The following RGS3 variants were observed in gnomAD, a reference collection of about 807,000 sequenced individuals.
The protein encoded by RGS3 is regulator of G protein signaling 3, also known as regulator of G-protein signalling 3.
In RGS3, 80 loss-of-function variants were observed where a neutral mutation model predicts 132.6. The observed-to-expected ratio is 0.60, with a 90% confidence interval of 0.50 to 0.73. The LOEUF (loss-of-function observed/expected upper bound fraction) is 0.73. Among genes scored for constraint, RGS3 ranks in the 30% least tolerant of loss-of-function variants. The probability of loss-of-function intolerance (pLI) is 0.00; values close to 1 mark genes in which losing one functional copy is unlikely to be tolerated. For synonymous variants in RGS3, 598 were observed against 620.6 expected (o/e 0.96, Z 0.54); for missense variants, 1,382 against 1,530.8 (o/e 0.90, Z 1.62).
rs190856725 is a variant in RGS3, at chr9:113,501,309, G to A, written c.897+3229G>A. 2.2e-3 allele frequency: 2,008 copies of A among 905,758 alleles called. 4 individuals carry two copies. Among genetic ancestry groups the A allele is most frequent in the Middle Eastern group, 5.9e-3 (16 of 2,716 alleles). The allele number at this position is 905,758 out of a possible 1,614,324, so 56.1% of individuals were successfully genotyped here. ...AAGGCGCCCTCTCCCCGCCGGGCCC[G>A]GGGAATACTAACTAGTTGACAGGAA... On this transcript the variant is annotated intron_variant, in intron 10 of 24. Transcript: ENST00000350696.
intron 19 of RGS3, among the ~76,000 whole-genome samples, chr9:113,542,806 G>A (rs150310468): frequency 6.6e-6 from 1 of 152,334 alleles, no homozygotes; most frequent in Non-Finnish European, 1.5e-5. Flanking sequence ...CTGTCTTTCT[G>A]TCCCATGCTG....
intron 14 of RGS3, among the ~76,000 whole-genome samples, chr9:113,512,708 AC>A (rs1407320504): frequency 1.3e-5 from 2 of 152,284 alleles, no homozygotes; most frequent in East Asian, 3.9e-4. Flanking sequence ...TGCACCCAGG[AC>A]CCAGGCTGGG....
chr9:113,580,719 A>T, intron 19 of RGS3: 5 of 861,030 alleles, frequency 5.8e-6, no homozygotes, highest in Non-Finnish European at 7.0e-6. Flanking sequence ...CCTGAGTGGC[A>T]CTTCCCCTCC....
At chr9:113,505,009 T>G (rs1396173893) in intron 10 of RGS3, 1 of 172,084 alleles carries the variant, frequency 5.8e-6, no homozygotes, top group African/African-American at 2.4e-5. Context: ...CTTTGGGCCC[T>G]TAGCACAGGG....
chr9:113,597,034 A>AG, exon 25 of RGS3: 1 of 1,279,562 alleles, frequency 7.8e-7, no homozygotes, highest in Non-Finnish European at 1.1e-6. Context: ...CCTGTGACGG[A>AG]GGGGGCAAGC....
At position 113,447,123 on chromosome 9, in the gene RGS3, G is replaced by A. The variant is rs1021683293; in HGVS notation, c.-13+2196G>A. Among the ~76,000 whole-genome samples the A allele has an allele frequency of 2.6e-5, 4 of 151,230 alleles. No individual in the cohort carries two copies. In the East Asian group the frequency reaches 7.8e-4, roughly 30 times the overall value. Reference sequence around the variant, plus strand: ...AAAAATACAGAAAAATTAGCTGGGTGTGGTGGCACGTGCCTGTAGTCCCAG... The same window carrying A: ...AAAAATACAGAAAAATTAGCTGGGTATGGTGGCACGTGCCTGTAGTCCCAG... On this transcript the variant is annotated intron_variant, in intron 1 of 25. Coordinates refer to the RGS3 transcript ENST00000374140.
At chr9:113,462,214 G>A in intron 3 of RGS3, 1 of 1,585,362 alleles carries the variant, frequency 6.3e-7, no homozygotes, top group Non-Finnish European at 8.6e-7. Flanking sequence ...AAGTCCATCT[G>A]TCACTGGCTT....
chr9:113,516,551 G>T (rs945165747), intron 15 of RGS3, among the ~76,000 whole-genome samples: 63 of 152,000 alleles, frequency 4.1e-4, no homozygotes, highest in African/African-American at 1.1e-3. Flanking sequence ...TAGAGACGGG[G>T]TTTTACCATG....
At chr9:113,490,166 T>C (rs1440237727) in intron 7 of RGS3, among the ~76,000 whole-genome samples, 1 of 152,218 alleles carries the variant, frequency 6.6e-6, no homozygotes, top group East Asian at 1.9e-4. Context: ...TGATCACTAA[T>C]GTTTCTTTCA....
chr9:113,512,608 G>GC (rs1414321492), intron 14 of RGS3, among the ~76,000 whole-genome samples: 4 of 152,126 alleles, frequency 2.6e-5, no homozygotes, highest in Non-Finnish European at 4.4e-5. Context: ...CTGTGGGTGC[G>GC]CGTTGGTGGG....
intron 2 of RGS3, chr9:113,461,880 C>T (rs1436974452): frequency 1.2e-6 from 2 of 1,606,200 alleles, no homozygotes; most frequent in South Asian, 1.1e-5. Flanking sequence ...ATCTCAGGCA[C>T]ATCACCTTCC....
exon 25 of RGS3, chr9:113,596,838 A>G: frequency 6.2e-7 from 1 of 1,613,740 alleles, no homozygotes; most frequent in Non-Finnish European, 8.5e-7. Context: ...GGCTGCTTCG[A>G]CCTGGCACAG....
At chr9:113,489,041 A>G (rs1338523846) in intron 7 of RGS3, among the ~76,000 whole-genome samples, 2 of 152,260 alleles carry the variant, frequency 1.3e-5, no homozygotes, top group East Asian at 3.8e-4. Context: ...CTCTGTGCCA[A>G]GCACTTTACA....
rs1260513301 is a variant in RGS3 at position 113,463,772 on chromosome 9, G to A, written c.415+1571G>A. 2 of 1,587,108 alleles carry A rather than the reference G, an allele frequency of 1.3e-6. No homozygotes were observed. Among genetic ancestry groups the A allele is most frequent in the Non-Finnish European group, 1.7e-6 (2 of 1,168,344 alleles). On this transcript the variant is annotated intron_variant, in intron 3 of 24. Coordinates refer to ENST00000350696, the Ensembl canonical transcript of RGS3. The surrounding 1 kb of genome is among the most constrained non-coding windows in gnomAD (Gnocchi z 4.6). ...AGCAACACAGCCGCCTCGGGTTGCA[G>A]ACGCTCCTGTCCGGGTCGCAGTGGG...
In RGS3 at chr9:113,583,975, G is replaced by A. The variant is rs368801355; in HGVS notation, c.2563G>A (p.Val855Met). 2.5e-5 allele frequency: 40 copies of A among 1,613,984 alleles called. No homozygotes were observed. Among genetic ancestry groups the A allele is most frequent in the South Asian group, 4.4e-5 (4 of 91,084 alleles). Reference sequence around the variant, plus strand: ...ACCTGCGGCCCCCAGGCCAGCCTTCGTGATCCCTGAGGTCCGGCTGGATAG... The same window carrying A: ...ACCTGCGGCCCCCAGGCCAGCCTTCATGATCCCTGAGGTCCGGCTGGATAG... Residue 855 changes from valine (V) to methionine (M), a missense_variant, in exon 20 of 25, where the codon GTG becomes ATG. Transcript: ENST00000350696.
Position 113,579,494 on chromosome 9 carries a change from T to C in RGS3, c.2038-3956T>C, listed in dbSNP as rs879043139. Reference sequence around the variant, plus strand: ...TGGTCCAGCCAAGCCAAAGAAGTGATGGATGGGAAAGACACAGACCCCCAC... The same window carrying C: ...TGGTCCAGCCAAGCCAAAGAAGTGACGGATGGGAAAGACACAGACCCCCAC... On this transcript the variant is annotated intron_variant, in intron 19 of 24. Transcript: ENST00000350696. The surrounding 1 kb of genome is among the most constrained non-coding windows in gnomAD (Gnocchi z 4.3). Among the ~76,000 whole-genome samples, 1 of 152,160 alleles carries C rather than the reference T, an allele frequency of 6.6e-6. No individual in the cohort carries two copies. The highest frequency in any genetic ancestry group is 2.4e-5 in the African/African-American group (1 of 41,428).
chr9:113,543,438 C>A (rs964099415), intron 19 of RGS3, among the ~76,000 whole-genome samples: 1 of 152,160 alleles, frequency 6.6e-6, no homozygotes, highest in African/African-American at 2.4e-5. Context: ...CAGACCAATG[C>A]CCCCCACCCA....
chr9:113,536,915 C>T (rs540029730), exon 19 of RGS3: 23 of 1,613,806 alleles, frequency 1.4e-5, no homozygotes, highest in Non-Finnish European at 1.8e-5. Flanking sequence ...CCCCGGACAG[C>T]AAGGTAAGGG....
chr9:113,561,921 T>C (rs1344848963), intron 19 of RGS3, among the ~76,000 whole-genome samples: 1 of 152,050 alleles, frequency 6.6e-6, no homozygotes, highest in Non-Finnish European at 1.5e-5. Flanking sequence ...AAATAGGAGG[T>C]GGGTCCCTGC....
Sources: allele counts gnomAD v4.1 joint callset (sites outside exome capture counted in the v4.1 genomes callset), GRCh38; gene constraint gnomAD v4.1.1; non-coding constraint Gnocchi (gnomAD v3.1); transcripts MANE v1.5; gene names NCBI Gene and HGNC (gene_info 2026-07-23, HGNC 2026-07-21).